The following MVB12B variants were observed in gnomAD, a reference collection of about 807,000 sequenced individuals.
MVB12B encodes the protein ESCRT-I complex subunit MVB12B.
MVB12B carries 16 observed loss-of-function variants against 41.6 expected under a neutral mutation model. That is an observed-to-expected ratio of 0.38 (90% CI 0.26 to 0.58). MVB12B has a LOEUF of 0.58. Ranked by LOEUF, MVB12B falls within the 20% of genes least tolerant of loss-of-function variation. The pLI is 0.62. For missense variants in MVB12B, 274 were observed against 380.2 expected, an observed-to-expected ratio of 0.72 and a Z score of 2.32; for synonymous variants, 133 against 139.7, an observed-to-expected ratio of 0.95 and a Z score of 0.34.
intron 2 of MVB12B, among the ~76,000 whole-genome samples, chr9:126,372,221 C>A (rs1202154192): frequency 1.3e-5 from 2 of 152,184 alleles, no homozygotes; most frequent in African/African-American, 4.8e-5. Context: ...GTATACCATT[C>A]CTTTTATGAC....
chr9:126,490,570 T>C (rs1833711358), intron 9 of MVB12B, among the ~76,000 whole-genome samples: 1 of 152,170 alleles, frequency 6.6e-6, no homozygotes, highest in Non-Finnish European at 1.5e-5. Flanking sequence ...AAGCACACAT[T>C]AGCCTGCCGC....
intron 7 of MVB12B, among the ~76,000 whole-genome samples, chr9:126,466,067 TAACA>T (rs1833192745): frequency 6.6e-6 from 1 of 152,220 alleles, no homozygotes; most frequent in Non-Finnish European, 1.5e-5. Flanking sequence ...TTTTGTTGCA[TAACA>T]AACCACCCTA....
intron 7 of MVB12B, among the ~76,000 whole-genome samples, chr9:126,440,226 G>T (rs1832596288): frequency 6.6e-6 from 1 of 152,194 alleles, no homozygotes. Flanking sequence ...TCTTCGGCCA[G>T]CCTGAGTACT....
intron 9 of MVB12B, among the ~76,000 whole-genome samples, chr9:126,490,441 A>G (rs1350520350): frequency 6.6e-6 from 1 of 152,170 alleles, no homozygotes; most frequent in Non-Finnish European, 1.5e-5. Context: ...GGCAGTGGAG[A>G]AGTCCGGAGC....
chr9:126,400,255 GGA>G (rs1831232205), intron 6 of MVB12B, among the ~76,000 whole-genome samples: 1 of 152,190 alleles, frequency 6.6e-6, no homozygotes, highest in Non-Finnish European at 1.5e-5. Context: ...ATGGAGGGGT[GGA>G]GAGATGGCTG....
intron 2 of MVB12B, among the ~76,000 whole-genome samples, chr9:126,349,189 G>A (rs1416196259): frequency 6.6e-6 from 1 of 152,186 alleles, no homozygotes; most frequent in Non-Finnish European, 1.5e-5. Flanking sequence ...GGCAGGTCCT[G>A]GGGTACATGG....
At position 126,505,217 on chromosome 9, in the gene MVB12B, C is replaced by A. The variant is rs375939225; in HGVS notation, c.*1954C>A. On this transcript the variant is annotated 3_prime_UTR_variant, in exon 10 of 10. Coordinates refer to ENST00000361171, the MANE Select transcript of MVB12B (RefSeq NM_033446.3). The stretch of plus-strand genomic sequence containing the variant: ...TCCGCCCCCATGACTGGGAAGAGGC[C>A]TGTGGCAGCGCCGCTGGACCCTAGG... The A allele has an allele frequency of 1.1e-4, 16 of 152,326 alleles. 2 individuals are homozygous for A. In the East Asian group the frequency reaches 2.1e-3, roughly 20 times the overall value. 9.4% of individuals were successfully genotyped at this position (152,326 alleles called of 1,614,324 possible). A position where few individuals can be genotyped will look rare whatever the true frequency, so the allele number is the denominator to read the frequency against.
intron 2 of MVB12B, among the ~76,000 whole-genome samples, chr9:126,350,706 A>G (rs1300217581): frequency 5.9e-5 from 9 of 152,162 alleles, no homozygotes; most frequent in Non-Finnish European, 1.3e-4. Flanking sequence ...CATTAATCCA[A>G]TGAATGAGCC....
At chr9:126,418,141 T>C (rs1360526854) in intron 6 of MVB12B, among the ~76,000 whole-genome samples, 2 of 151,570 alleles carry the variant, frequency 1.3e-5, no homozygotes, top group Admixed American at 6.6e-5. Flanking sequence ...CCTTGCAAAG[T>C]TTGGAGACGA....
intron 7 of MVB12B, among the ~76,000 whole-genome samples, chr9:126,446,311 T>TTTA (rs1353248913): frequency 6.6e-6 from 1 of 152,152 alleles, no homozygotes; most frequent in Non-Finnish European, 1.5e-5. Flanking sequence ...GAAATCAATC[T>TTTA]TTATTATGGT....
intron 7 of MVB12B, among the ~76,000 whole-genome samples, chr9:126,467,134 G>A (rs544199271): frequency 8.5e-5 from 13 of 152,094 alleles, no homozygotes; most frequent in African/African-American, 2.7e-4. Context: ...GCGCCCAGCC[G>A]GAAATCAGAT....
intron 7 of MVB12B, among the ~76,000 whole-genome samples, chr9:126,423,077 A>G (rs938886813): frequency 2.6e-5 from 4 of 152,240 alleles, no homozygotes; most frequent in Non-Finnish European, 2.9e-5. Flanking sequence ...GACAAGGAGC[A>G]TAACAAGTGT....
rs59801697 is a variant in MVB12B, at chr9:126,333,843, T to TTCCATCCATCCA, written c.82-6631_82-6620dup. Among the ~76,000 whole-genome samples, 2 of 149,668 alleles carry TTCCATCCATCCA rather than the reference T, an allele frequency of 1.3e-5. No homozygotes were observed. The highest frequency in any genetic ancestry group is 6.7e-5 in the Admixed American group (1 of 14,982). ...CCATGGAAGATTACCTTTAGGTTCA[T>TTCCATCCATCCA]TCCATCCATCCATCCATCCATCCAT... is the stretch of plus-strand genomic sequence containing the variant. On this transcript the variant is annotated intron_variant, in intron 1 of 9. Coordinates refer to ENST00000361171, the MANE Select transcript of MVB12B (RefSeq NM_033446.3). The surrounding 1 kb of genome is among the most constrained non-coding windows in gnomAD (Gnocchi z 4.7).
intron 7 of MVB12B, among the ~76,000 whole-genome samples, chr9:126,445,686 G>A (rs1022686691): frequency 6.6e-6 from 1 of 151,828 alleles, no homozygotes; most frequent in Non-Finnish European, 1.5e-5. Context: ...TAGAGATGGG[G>A]GTTCTCACTG....
At position 126,432,475 on chromosome 9, in the gene MVB12B, A is replaced by G. The variant is rs549868344; in HGVS notation, c.757+10527A>G. ...CTGAGAGGGGAAAATGATGAAGGCA[A>G]CTTCTTTCATTGAAACACATTTAGT... On this transcript the variant is annotated intron_variant, in intron 7 of 9. Coordinates refer to ENST00000361171, the MANE Select transcript of MVB12B (RefSeq NM_033446.3). Among the ~76,000 whole-genome samples the G allele has an allele frequency of 2.1e-4, 32 of 152,366 alleles. No homozygotes were observed. The South Asian group carries it at 3.7e-3, about 18-fold the overall frequency.
At chr9:126,400,807 G>A (rs1056668113) in intron 6 of MVB12B, among the ~76,000 whole-genome samples, 2 of 152,198 alleles carry the variant, frequency 1.3e-5, no homozygotes, top group African/African-American at 2.4e-5. Context: ...CTCCCACAAC[G>A]TCCGGGGCCC....
At chr9:126,403,005 G>A (rs781204645) in intron 6 of MVB12B, among the ~76,000 whole-genome samples, 19 of 152,202 alleles carry the variant, frequency 1.2e-4, no homozygotes, top group Non-Finnish European at 1.9e-4. Context: ...TGGAGGGGTC[G>A]AACCTGAACA....
At chr9:126,409,276 G>C (rs1240408506) in intron 6 of MVB12B, among the ~76,000 whole-genome samples, 1 of 150,080 alleles carries the variant, frequency 6.7e-6, no homozygotes, top group Non-Finnish European at 1.5e-5. Context: ...TGTTCTCTTT[G>C]TCATCACTTT....
chr9:126,496,062 G>A (rs1460434469), intron 9 of MVB12B, among the ~76,000 whole-genome samples: 1 of 152,102 alleles, frequency 6.6e-6, no homozygotes, highest in Admixed American at 6.5e-5. Context: ...CTGCTACAAG[G>A]ACTAGAAACC....
Sources: allele counts gnomAD v4.1 joint callset (sites outside exome capture counted in the v4.1 genomes callset), GRCh38; gene constraint gnomAD v4.1.1; non-coding constraint Gnocchi (gnomAD v3.1); transcripts MANE v1.5; gene names NCBI Gene and HGNC (gene_info 2026-07-23, HGNC 2026-07-21).